The following MED12L variants were observed in gnomAD, a reference collection of about 807,000 sequenced individuals.
MED12L encodes mediator of RNA polymerase II transcription subunit 12-like protein.
A neutral mutation model predicts 281.3 loss-of-function variants in MED12L; 60 were observed. The ratio of observed to expected loss-of-function variants is 0.21; its 90% CI spans 0.17 to 0.26. The LOEUF (loss-of-function observed/expected upper bound fraction) is 0.26, where lower values mean the gene tolerates loss of function less well. Among genes scored for constraint, MED12L ranks in the 10% least tolerant of loss-of-function variants. MED12L has a pLI of 1.00. For synonymous variants in MED12L, 974 were observed against 987.2 expected (o/e 0.99, Z 0.25); for missense variants, 2,146 against 2,680.9 (o/e 0.80, Z 4.41).
chr3:151,263,960 G>A (rs1400328231), intron 16 of MED12L, among the ~76,000 whole-genome samples: 1 of 152,228 alleles, frequency 6.6e-6, no homozygotes, highest in African/African-American at 2.4e-5. Context: ...ACGATGGACA[G>A]AGGCTGAGAT....
At position 151,190,718 on chromosome 3, in the gene MED12L, G is replaced by A. The variant is rs373241897; in HGVS notation, c.1755G>A (p.Ser585=). 9.7e-5 allele frequency: 157 copies of A among 1,613,858 alleles called. 2 individuals are homozygous for A. The highest frequency in any genetic ancestry group is 7.1e-4 in the South Asian group (65 of 91,070). Residue 585 remains serine, a splice_region_variant and synonymous_variant, in exon 14 of 45, where the codon TCG becomes TCA. Coordinates refer to ENST00000687756, the MANE Select transcript of MED12L (RefSeq NM_001393769.1). ...TTGATTGAATTTGTTTCTCTATAGCGGACCCAAACAGTGAATGTGAAAAGG... is the reference window on the plus strand; with the variant it reads ...TTGATTGAATTTGTTTCTCTATAGCAGACCCAAACAGTGAATGTGAAAAGG... ...RFLDTQAPSL[S]DPNSECEKVE...
At chr3:151,233,149 G>A (rs1732037180) in intron 16 of MED12L, among the ~76,000 whole-genome samples, 3 of 152,086 alleles carry the variant, frequency 2.0e-5, no homozygotes, top group South Asian at 2.1e-4. Flanking sequence ...TCTAGTTTCT[G>A]CAGATCTGGG....
intron 27 of MED12L, among the ~76,000 whole-genome samples, chr3:151,372,973 A>T (rs894491490): frequency 1.3e-5 from 2 of 152,088 alleles, no homozygotes; most frequent in African/African-American, 4.8e-5. Context: ...TAATTTTTAC[A>T]TTTTGCTACA....
In MED12L at chr3:151,086,902, A is replaced by G; in HGVS notation, c.-25A>G. On this transcript the variant is annotated 5_prime_UTR_variant, in exon 2 of 45. Transcript: ENST00000687756. ...GCTGCTCCAGCTCCAACTCTCATTC[A>G]TTTCGCCGGTTAACATGAGAGATCA... The G allele has an allele frequency of 6.4e-7, 1 of 1,555,938 alleles. No individual in the cohort carries two copies. The highest frequency in any genetic ancestry group is 1.2e-5 in the South Asian group (1 of 84,934).
In MED12L at chr3:151,434,559, T is replaced by C. The variant is rs1448485890; in HGVS notation, c.*1755T>C. Reference sequence around the variant, plus strand: ...TATCTGTACACATTTTTGCTGGTTTTGTATATCAGATTTTTTCCTCTCAAG... The same window carrying C: ...TATCTGTACACATTTTTGCTGGTTTCGTATATCAGATTTTTTCCTCTCAAG... On this transcript the variant is annotated 3_prime_UTR_variant, in exon 45 of 45. Transcript: ENST00000687756. The C allele has an allele frequency of 6.6e-6, 1 of 152,256 alleles. No homozygotes were observed. Among genetic ancestry groups the C allele is most frequent in the African/African-American group, 2.4e-5 (1 of 41,464 alleles). 9.4% of individuals were successfully genotyped at this position (152,256 alleles called of 1,614,324 possible).
intron 27 of MED12L, among the ~76,000 whole-genome samples, chr3:151,374,656 T>A (rs1756605292): frequency 6.6e-6 from 1 of 152,190 alleles, no homozygotes; most frequent in South Asian, 2.1e-4. Context: ...TCTCTAAGGG[T>A]TTAAAATACT....
chr3:151,326,269 C>T (rs1749578279), intron 16 of MED12L: 1 of 152,592 alleles, frequency 6.6e-6, no homozygotes, highest in Non-Finnish European at 1.5e-5. Flanking sequence ...TGAGAATTGG[C>T]TTCCCTTTTG....
In MED12L at chr3:151,368,216, G is replaced by T; in HGVS notation, c.3515G>T (p.Arg1172Leu). Residue 1172 changes from arginine (R) to leucine (L), a missense_variant, in exon 25 of 45, where the codon CGA becomes CTA. Transcript: ENST00000687756. ...MTCRLLLHLF[R>L]APQACFLPQA... ...TGCCGACTCTTGCTTCATCTCTTCCGAGCTCCCCAGGCCTGCTTCTTACCT... is the reference window on the plus strand; with the variant it reads ...TGCCGACTCTTGCTTCATCTCTTCCTAGCTCCCCAGGCCTGCTTCTTACCT... The T allele has an allele frequency of 6.2e-7, 1 of 1,614,010 alleles. No individual in the cohort carries two copies. Among genetic ancestry groups the T allele is most frequent in the South Asian group, 1.1e-5 (1 of 91,074 alleles).
intron 9 of MED12L, among the ~76,000 whole-genome samples, chr3:151,164,491 A>G (rs1720427429): frequency 6.6e-6 from 1 of 152,168 alleles, no homozygotes; most frequent in Non-Finnish European, 1.5e-5. Flanking sequence ...CAGCCATCCC[A>G]TTACTGGGTA....
chr3:151,175,671 A>G (rs1451626541), intron 11 of MED12L, among the ~76,000 whole-genome samples: 1 of 152,178 alleles, frequency 6.6e-6, no homozygotes, highest in Admixed American at 6.5e-5. Context: ...AGCTTCTACA[A>G]CTATTAGGTT....
At chr3:151,377,928 A>C (rs756211221) in intron 30 of MED12L, 84 bp from the exon 31 acceptor site, 7 of 1,349,274 alleles carry the variant, frequency 5.2e-6, no homozygotes, top group Non-Finnish European at 7.0e-6. Flanking sequence ...CATACATCAA[A>C]GTTTCGCTTT....
chr3:151,130,692 C>T (rs1715255355), intron 5 of MED12L, among the ~76,000 whole-genome samples: 1 of 152,212 alleles, frequency 6.6e-6, no homozygotes, highest in Admixed American at 6.5e-5. Context: ...TGTGGGTGCA[C>T]ATGGGCCTGC....
intron 16 of MED12L, among the ~76,000 whole-genome samples, chr3:151,281,232 CAAAAAAAAA>C (rs35035320): frequency 1.4e-3 from 71 of 49,966 alleles, no homozygotes; most frequent in African/African-American, 5.1e-3. Context: ...ACCAAAAATA[CAAAAAAAAA>C]AAAAAAAAAA....
chr3:151,383,958 C>A, intron 34 of MED12L, 70 bp downstream of exon 34: 1 of 1,482,056 alleles, frequency 6.7e-7, no homozygotes. Context: ...ATACTGATGG[C>A]GATTTCTGCC....
chr3:151,217,281 T>C (rs1577000306), intron 16 of MED12L, among the ~76,000 whole-genome samples: 1 of 152,322 alleles, frequency 6.6e-6, no homozygotes, highest in East Asian at 1.9e-4. Flanking sequence ...TATAAAATTA[T>C]TTTCTCAGAG....
chr3:151,228,451 C>G (rs892100249), intron 16 of MED12L, among the ~76,000 whole-genome samples: 2 of 152,030 alleles, frequency 1.3e-5, no homozygotes, highest in Admixed American at 6.6e-5. Context: ...AGGCTCCTGA[C>G]AGTTTCCCCT....
chr3:151,247,627 G>T, intron 16 of MED12L, among the ~76,000 whole-genome samples: 1 of 131,812 alleles, frequency 7.6e-6, no homozygotes, highest in East Asian at 2.7e-4. Flanking sequence ...TCGGGGAGGG[G>T]GGAGGGATAG....
chr3:151,176,552 T>C (rs1431495), intron 11 of MED12L, among the ~76,000 whole-genome samples: 11,448 of 151,770 alleles, frequency 0.075, 961 homozygotes, highest in East Asian at 0.2. Flanking sequence ...ATCATTTTTT[T>C]CTTGTTTATT....
At chr3:151,251,336 A>G (rs1284598125) in intron 16 of MED12L, among the ~76,000 whole-genome samples, 4 of 150,862 alleles carry the variant, frequency 2.7e-5, no homozygotes, top group African/African-American at 9.8e-5. Flanking sequence ...ACAATTAAAC[A>G]CTCTGTCTCA....
Sources: allele counts gnomAD v4.1 joint callset (sites outside exome capture counted in the v4.1 genomes callset), GRCh38; gene constraint gnomAD v4.1.1; transcripts MANE v1.5; gene names NCBI Gene and HGNC (gene_info 2026-07-23, HGNC 2026-07-21).